Variants in XPNPEP3 observed in about 807,000 individuals in gnomAD.
The protein encoded by XPNPEP3 is X-prolyl aminopeptidase 3.
XPNPEP3 carries 41 observed loss-of-function variants against 60.0 expected under a neutral mutation model. The observed-to-expected ratio is 0.68, with a 90% CI of 0.53 to 0.89. The LOEUF (loss-of-function observed/expected upper bound fraction) is 0.89. Among genes scored for constraint, XPNPEP3 ranks in the 40% least tolerant of loss-of-function variants. XPNPEP3 has a pLI of 0.00. For missense variants in XPNPEP3, 598 were observed against 638.9 expected (o/e 0.94, Z 0.69); for synonymous variants, 212 against 223.2 (o/e 0.95, Z 0.45).
intron 4 of XPNPEP3, among the ~76,000 whole-genome samples, chr22:40,898,537 G>GCCA (rs1014397429): frequency 3.7e-5 from 5 of 133,542 alleles, no homozygotes; most frequent in Admixed American, 3.5e-4. Context: ...ACAGGCGTGA[G>GCCA]CCACCGCGCC....
At chr22:40,907,535 T>C in intron 4 of XPNPEP3, 52 bp from the exon 5 acceptor site, 1 of 1,559,256 alleles carries the variant, frequency 6.4e-7, no homozygotes, top group Non-Finnish European at 8.8e-7. Flanking sequence ...AATGTTTGAG[T>C]AAGCAACATA....
intron 2 of XPNPEP3, among the ~76,000 whole-genome samples, chr22:40,880,362 ATTG>A (rs2058042718): frequency 6.6e-6 from 1 of 151,860 alleles, no homozygotes. Context: ...TCCATGACAT[ATTG>A]TTCTGTTGGA....
intron 3 of XPNPEP3, 93 bp downstream of exon 3, chr22:40,882,270 G>A: frequency 7.3e-7 from 1 of 1,373,618 alleles, no homozygotes; most frequent in Non-Finnish European, 1.0e-6. Context: ...TGTTATCGTA[G>A]CACCACCATG....
chr22:40,877,618 A>G (rs2058032432), intron 2 of XPNPEP3, among the ~76,000 whole-genome samples: 2 of 152,222 alleles, frequency 1.3e-5, no homozygotes, highest in South Asian at 4.1e-4. Context: ...CCAGCTTCCA[A>G]TATCTAGGCT....
At position 40,869,111 on chromosome 22, in the gene XPNPEP3, A is replaced by G; in HGVS notation, c.177A>G (p.Arg59=). The G allele has an allele frequency of 6.2e-7, 1 of 1,613,358 alleles. No individual in the cohort carries two copies. Among genetic ancestry groups the G allele is most frequent in the Non-Finnish European group, 8.5e-7 (1 of 1,179,396 alleles). Residue 59 remains arginine (R), a synonymous_variant, in exon 2 of 10, where the codon AGA becomes AGG. Transcript: ENST00000357137. ...CCTTTACACACCCACACCTCCTCAG[A>G]CCAGGTAAGGCCTTTTAACTGTGCT... ...PSPFTHPHLL[R]PGEVTPGLSQ...
In XPNPEP3 at chr22:40,932,072, C is replaced by CTG. The variant is rs2058256641; in HGVS notation, c.*5639_*5640dup. On this transcript the variant is annotated 3_prime_UTR_variant, in exon 10 of 10. Transcript: ENST00000357137. ...AGCACAAATGCTGCTTCTCCCCCTC[C>CTG]TGTTCCCATGTCAGAGATGGAGAAG... 6.6e-6 allele frequency: 1 copy of CTG among 152,234 alleles called. No individual in the cohort carries two copies. Among genetic ancestry groups the CTG allele is most frequent in the African/African-American group, 2.4e-5 (1 of 41,454 alleles). The allele number at this position is 152,234 out of a possible 1,614,324, so 9.4% of individuals were successfully genotyped here.
Position 40,907,592 on chromosome 22 carries a change from C to T in XPNPEP3, c.798C>T (p.Phe266=). 6.2e-7 allele frequency: 1 copy of T among 1,613,938 alleles called. No homozygotes were observed. Among genetic ancestry groups the T allele is most frequent in the Non-Finnish European group, 8.5e-7 (1 of 1,179,850 alleles). The change falls in exon 5 of 10, where the codon TTC becomes TTT. Residue 266 remains phenylalanine, a synonymous_variant. Coordinates refer to ENST00000357137, the MANE Select transcript of XPNPEP3 (RefSeq NM_022098.4). ...QIAGKLTSQA[F]IETMFTSKAP... ...ATCCTCCTTTCTCTTTGCAGGCTTT[C>T]ATAGAAACCATGTTCACCAGTAAAG...
chr22:40,860,797 C>T (rs550634591), intron 1 of XPNPEP3: 14 of 650,394 alleles, frequency 2.2e-5, no homozygotes, highest in African/African-American at 5.6e-5. Flanking sequence ...ACTACAGGTG[C>T]ACACCACCAC....
rs957239435 is a variant in XPNPEP3 at position 40,932,555 on chromosome 22, T to C, written c.*6120T>C. 2 of 152,190 alleles carry C rather than the reference T, an allele frequency of 1.3e-5. No individual in the cohort carries two copies. The highest frequency in any genetic ancestry group is 2.4e-5 in the African/African-American group (1 of 41,444). The allele number at this position is 152,190 out of a possible 1,614,324, so 9.4% of individuals were successfully genotyped here. ...TTCTCTACCTGTGTGTCACTGAGTT[T>C]GAGCATCATTATTGTTTGAATCAGA... is the stretch of plus-strand genomic sequence containing the variant. On this transcript the variant is annotated 3_prime_UTR_variant, in exon 10 of 10. Coordinates refer to ENST00000357137, the MANE Select transcript of XPNPEP3 (RefSeq NM_022098.4).
intron 7 of XPNPEP3, 25 bp downstream of exon 7, chr22:40,914,349 T>C (rs1444728917): frequency 6.3e-7 from 1 of 1,579,902 alleles, no homozygotes; most frequent in Non-Finnish European, 8.7e-7. Flanking sequence ...GAGTAACGTA[T>C]CCCACTGCTT....
At chr22:40,864,539 G>A (rs1223912848) in intron 1 of XPNPEP3, among the ~76,000 whole-genome samples, 4 of 152,016 alleles carry the variant, frequency 2.6e-5, no homozygotes, top group African/African-American at 4.8e-5. Flanking sequence ...TCTACCTCCC[G>A]GGTTCAAGCC....
At chr22:40,890,841 C>G (rs1235361244) in intron 4 of XPNPEP3, among the ~76,000 whole-genome samples, 1 of 151,998 alleles carries the variant, frequency 6.6e-6, no homozygotes, top group Non-Finnish European at 1.5e-5. Flanking sequence ...GCACTCCAGT[C>G]TGGGTGACAG....
At chr22:40,879,459 A>G (rs2058039264) in intron 2 of XPNPEP3, among the ~76,000 whole-genome samples, 1 of 152,176 alleles carries the variant, frequency 6.6e-6, no homozygotes, top group South Asian at 2.1e-4. Flanking sequence ...TAAACCCAAC[A>G]CTTTGGGAGG....
chr22:40,921,293 C>G (rs2058215677), intron 7 of XPNPEP3, among the ~76,000 whole-genome samples: 1 of 151,998 alleles, frequency 6.6e-6, no homozygotes, highest in East Asian at 1.9e-4. Context: ...CTGCTGGCAA[C>G]GAAGACTCAG....
chr22:40,879,718 T>G lies in XPNPEP3; in HGVS notation c.182-2052T>G, dbSNP rs550102141. ...TTAGCCAGGCCGTGTGGTACACACC[T>G]GTAATACTAGCTATTCAAGAGGCTA... On this transcript the variant is annotated intron_variant, in intron 2 of 9. Coordinates refer to ENST00000357137, the MANE Select transcript of XPNPEP3 (RefSeq NM_022098.4). Among the ~76,000 whole-genome samples the G allele has an allele frequency of 8.5e-5, 13 of 152,306 alleles. No individual in the cohort carries two copies. In the South Asian group the frequency reaches 2.5e-3, roughly 29 times the overall value.
At chr22:40,879,439 G>A (rs932729929) in intron 2 of XPNPEP3, among the ~76,000 whole-genome samples, 3 of 152,156 alleles carry the variant, frequency 2.0e-5, no homozygotes, top group Non-Finnish European at 4.4e-5. Context: ...TGGGACATGG[G>A]TCACACCTGT....
Position 40,922,410 on chromosome 22 carries a change from G to C in XPNPEP3, c.1133G>C (p.Gly378Ala), listed in dbSNP as rs1389150267. The C allele has an allele frequency of 1.2e-6, 2 of 1,613,728 alleles. No homozygotes were observed. The highest frequency in any genetic ancestry group is 1.1e-5 in the South Asian group (1 of 91,058). Residue 378 changes from glycine to alanine, a missense_variant, in exon 8 of 10, where the codon GGG (glycine) becomes GCG (alanine). Gly to Ala is a moderately conservative substitution (Grantham distance 60). Transcript: ENST00000357137. ...QRDCLALCFPGTSLENIYSMM... is the reference protein window; with the variant it reads ...QRDCLALCFPATSLENIYSMM... ...GATTGTTTGGCCCTCTGCTTCCCTG[G>C]GACAAGCTTGGAGAACATCTACAGC...
intron 4 of XPNPEP3, among the ~76,000 whole-genome samples, chr22:40,905,752 A>G (rs1197559268): frequency 6.6e-6 from 1 of 152,122 alleles, no homozygotes; most frequent in African/African-American, 2.4e-5. Flanking sequence ...TCTTTTGGGC[A>G]TTTTGGCAAT....
chr22:40,895,408 T>G (rs2058104069), intron 4 of XPNPEP3, among the ~76,000 whole-genome samples: 1 of 151,982 alleles, frequency 6.6e-6, no homozygotes. Context: ...CGATCTCGGC[T>G]CACTGCAACC....
Sources: gnomAD v4.1 joint callset for allele counts (sites outside exome capture counted in the v4.1 genomes callset) on GRCh38, gnomAD v4.1.1 for gene constraint, MANE v1.5 for transcripts, NCBI Gene and HGNC (gene_info 2026-07-23, HGNC 2026-07-21) for gene names.